PHF10: variants seen among roughly 807,000 people sequenced by gnomAD.
PHF10 encodes PHD finger protein 10.
PHF10 carries 51 observed loss-of-function variants against 68.5 expected under a neutral mutation model. The ratio of observed to expected loss-of-function variants is 0.74; its 90% CI spans 0.59 to 0.94. The LOEUF (loss-of-function observed/expected upper bound fraction) is 0.94, where lower values mean the gene tolerates loss of function less well. Ranked by LOEUF, PHF10 falls within the 40% of genes least tolerant of loss-of-function variation. The pLI, the probability that PHF10 is intolerant of heterozygous loss-of-function variation, is 0.00. For synonymous variants in PHF10, 204 were observed against 203.5 expected, an observed-to-expected ratio of 1.00 and a Z score of -0.02; for missense variants, 460 against 602.6, an observed-to-expected ratio of 0.76 and a Z score of 2.48.
At chr6:169,705,807 T>C (rs1788765051) in intron 9 of PHF10, 83 bp from the exon 10 acceptor site, 1 of 773,824 alleles carries the variant, frequency 1.3e-6, no homozygotes, top group Admixed American at 2.0e-5. Flanking sequence ...TTTATTGCCC[T>C]ATTTTTACTT....
At chr6:169,715,248 A>T (rs987170518) in intron 6 of PHF10, among the ~76,000 whole-genome samples, 9 of 152,234 alleles carry the variant, frequency 5.9e-5, no homozygotes, top group African/African-American at 2.2e-4. Flanking sequence ...TATTAGTCTC[A>T]TTTAGAATTA....
Position 169,705,217 on chromosome 6 carries a change from G to A in PHF10, c.1327C>T (p.His443Tyr), listed in dbSNP as rs138138680. 2,604 of 1,613,640 alleles carry A rather than the reference G, an allele frequency of 1.6e-3. 2 individuals carry two copies. Among genetic ancestry groups the A allele is most frequent in the Admixed American group, 3.2e-3 (191 of 60,012 alleles). Residue 443 changes from histidine (H) to tyrosine (Y), a missense_variant, in exon 11 of 12, where the codon CAC becomes TAC. Transcript: ENST00000339209. The stretch of plus-strand genomic sequence containing the variant: ...CAGAACATCATTTCTTCTTCATGGT[G>A]GGGTTGTCCACATATAATGCATGTT... ...CKTCIICGQP[H>Y]HEEEMMFCDM... is the part of the protein sequence containing the mutation.
At chr6:169,721,806 G>A (rs1445338437) in intron 1 of PHF10, among the ~76,000 whole-genome samples, 1 of 152,114 alleles carries the variant, frequency 6.6e-6, no homozygotes, top group Non-Finnish European at 1.5e-5. Flanking sequence ...TTACTTATTA[G>A]CCAAGGCTTA....
intron 1 of PHF10, among the ~76,000 whole-genome samples, chr6:169,721,925 A>G (rs1789188458): frequency 6.6e-6 from 1 of 152,228 alleles, no homozygotes; most frequent in South Asian, 2.1e-4. Context: ...CAATCCTGCA[A>G]AAGAATATAA....
At chr6:169,710,488 A>G in intron 8 of PHF10, 97 bp from the exon 9 acceptor site, 2 of 853,370 alleles carry the variant, frequency 2.3e-6, no homozygotes, top group Non-Finnish European at 3.8e-6. Context: ...GAAAGTTTTA[A>G]AGCTTTATCA....
Position 169,705,642 on chromosome 6 carries a change from AT to A in PHF10, c.1195del (p.Ile399TyrfsTer17). The A allele has an allele frequency of 6.5e-7, 1 of 1,528,066 alleles. No homozygotes were observed. The highest frequency in any genetic ancestry group is 9.1e-7 in the Non-Finnish European group (1 of 1,101,962). The allele number at this position is 1,528,066 out of a possible 1,614,324, so 94.7% of individuals were successfully genotyped here. A position where few individuals can be genotyped will look rare whatever the true frequency, so the allele number is the denominator to read the frequency against. On this transcript the variant is annotated frameshift_variant, in exon 10 of 12. Coordinates refer to ENST00000339209, the MANE Select transcript of PHF10 (RefSeq NM_018288.4). LOFTEE classifies it high-confidence loss of function. ...ACTATTCTCACATTGGGAGCAGTGT[AT>A]AAGTGATTCAGCCTTTCCTTTCTTG... ...SNKKGKAESL[I>X]HCSQCENSGH... is the part of the protein sequence containing the mutation.
chr6:169,722,428 T>C (rs752152804), intron 1 of PHF10, among the ~76,000 whole-genome samples: 4 of 152,218 alleles, frequency 2.6e-5, no homozygotes, highest in Non-Finnish European at 5.9e-5. Context: ...GTGAGCATTT[T>C]AAGGATTTTT....
At chr6:169,710,091 A>C (rs1269454538) in intron 9 of PHF10, 145 bp downstream of exon 9, 1 of 541,420 alleles carries the variant, frequency 1.8e-6, no homozygotes, top group Non-Finnish European at 3.2e-6. Flanking sequence ...AGCAAAAAAG[A>C]AAGCAGCGGA....
chr6:169,714,306 C>T (rs1270978201), intron 7 of PHF10, among the ~76,000 whole-genome samples: 1 of 152,198 alleles, frequency 6.6e-6, no homozygotes, highest in African/African-American at 2.4e-5. Context: ...CAGTAAAAGT[C>T]AGTGTTTCTC....
rs996982093 is a variant in PHF10, at chr6:169,722,990, A to G, written c.87+855T>C. On this transcript the variant is annotated intron_variant, in intron 1 of 11. Coordinates refer to ENST00000339209, the MANE Select transcript of PHF10 (RefSeq NM_018288.4). ...CAGCCTTTGAGGAACCTTCAAAATG[A>G]GTCTCACAGCACGGTGGACGTGCGC... Among the ~76,000 whole-genome samples, 4 of 152,296 alleles carry G rather than the reference A, an allele frequency of 2.6e-5. 1 individual carries two copies. In the South Asian group the frequency reaches 8.3e-4, roughly 32 times the overall value.
chr6:169,723,995 CGCT>C lies in PHF10; in HGVS notation c.-67_-65del, dbSNP rs1298404111. On this transcript the variant is annotated 5_prime_UTR_variant, in exon 1 of 12. Transcript: ENST00000339209. Reference sequence around the variant, plus strand: ...TCCGCCTTGTCCCGGCCGCCGCCGCCGCTGCCGCCGCCGCCGCCGCCGCCGCCG... The same window carrying C: ...TCCGCCTTGTCCCGGCCGCCGCCGCCGCCGCCGCCGCCGCCGCCGCCGCCG... 3.3e-4 allele frequency: 125 copies of C among 374,290 alleles called. No individual in the cohort carries two copies. The highest frequency in any genetic ancestry group is 2.6e-3 in the African/African-American group (113 of 43,414). 23.2% of individuals were successfully genotyped at this position (374,290 alleles called of 1,614,324 possible).
At chr6:169,705,382 T>G in intron 10 of PHF10, 61 bp from the exon 11 acceptor site, 3 of 1,174,648 alleles carry the variant, frequency 2.6e-6, no homozygotes. Flanking sequence ...ATATGGCACA[T>G]AAAATACTAG....
At chr6:169,704,907 C>T (rs182665528) in intron 11 of PHF10, 255 of 402,852 alleles carry the variant, frequency 6.3e-4, no homozygotes, top group South Asian at 3.2e-3. Flanking sequence ...TAGAACTATA[C>T]TTCCAAAACT....
chr6:169,722,201 C>G (rs962261947), intron 1 of PHF10, among the ~76,000 whole-genome samples: 1 of 152,202 alleles, frequency 6.6e-6, no homozygotes, highest in African/African-American at 2.4e-5. Context: ...TCTCAAATGT[C>G]TCTAGCTCCT....
In PHF10 at chr6:169,704,103, GT is replaced by G; in HGVS notation, c.1412-16del. Reference sequence around the variant, plus strand: ...AATCCAGCGACCTAGGAAAAAAATTGTTAATATAGAATGAAAAATTATCTTT... The same window carrying G: ...AATCCAGCGACCTAGGAAAAAAATTGTAATATAGAATGAAAAATTATCTTT... On this transcript the variant is annotated splice_polypyrimidine_tract_variant and intron_variant, in intron 11 of 11. Coordinates refer to ENST00000339209, the MANE Select transcript of PHF10 (RefSeq NM_018288.4). 6.4e-7 allele frequency: 1 copy of G among 1,567,542 alleles called. No individual in the cohort carries two copies. The highest frequency in any genetic ancestry group is 8.6e-7 in the Non-Finnish European group (1 of 1,163,742).
At chr6:169,708,724 A>G (rs1293553913) in intron 9 of PHF10, 1 of 152,174 alleles carries the variant, frequency 6.6e-6, no homozygotes, top group Non-Finnish European at 1.5e-5. Context: ...CCTGTATTAA[A>G]ACATCTATTT....
At chr6:169,705,808 A>G (rs1788765217) in intron 9 of PHF10, 84 bp from the exon 10 acceptor site, 1 of 774,314 alleles carries the variant, frequency 1.3e-6, no homozygotes, top group Non-Finnish European at 2.3e-6. Context: ...TTATTGCCCT[A>G]TTTTTACTTT....
intron 1 of PHF10, among the ~76,000 whole-genome samples, chr6:169,721,321 TGAACCCGTAAA>T (rs2128331498): frequency 6.6e-6 from 1 of 152,348 alleles, no homozygotes; most frequent in Admixed American, 6.5e-5. Context: ...ACATTTTCAA[TGAACCCGTAAA>T]TGCAAATCTG....
At chr6:169,721,805 AG>A (rs1191019981) in intron 1 of PHF10, among the ~76,000 whole-genome samples, 2 of 152,264 alleles carry the variant, frequency 1.3e-5, no homozygotes, top group African/African-American at 4.8e-5. Flanking sequence ...TTTACTTATT[AG>A]CCAAGGCTTA....
Sources: allele counts gnomAD v4.1 joint callset (sites outside exome capture counted in the v4.1 genomes callset), GRCh38; gene constraint gnomAD v4.1.1; transcripts MANE v1.5; gene names NCBI Gene and HGNC (gene_info 2026-07-23, HGNC 2026-07-21).